NR2F1-AS1: variants seen among roughly 807,000 people sequenced by gnomAD.
NR2F1-AS1 encodes NR2F1 regulatory antisense RNA 1, also known as NR2F1 antisense RNA 1.
At chr5:93,422,748 C>G (rs1749114340) in intron 4 of NR2F1-AS1, among the ~76,000 whole-genome samples, 1 of 152,204 alleles carries the variant, frequency 6.6e-6, no homozygotes, top group African/African-American at 2.4e-5. Context: ...ACATTTACAA[C>G]TGTAAATAAC....
At chr5:93,443,848 T>A (rs911101593) in intron 4 of NR2F1-AS1, among the ~76,000 whole-genome samples, 2 of 152,150 alleles carry the variant, frequency 1.3e-5, no homozygotes, top group Non-Finnish European at 2.9e-5. Context: ...TAACAGCAGA[T>A]CTCTTGGCAG....
intron 4 of NR2F1-AS1, among the ~76,000 whole-genome samples, chr5:93,462,943 T>G (rs1750130592): frequency 6.6e-6 from 1 of 152,242 alleles, no homozygotes; most frequent in South Asian, 2.1e-4. Context: ...TTCAGAAAAT[T>G]TGCAACCTGA....
chr5:93,497,149 T>G (rs1750978627), intron 4 of NR2F1-AS1, among the ~76,000 whole-genome samples: 1 of 152,194 alleles, frequency 6.6e-6, no homozygotes, highest in Admixed American at 6.5e-5. Flanking sequence ...AACTTTATCT[T>G]GTCATTCCCA....
Position 93,477,321 on chromosome 5 carries a change from C to T in NR2F1-AS1, n.638+76440G>A, listed in dbSNP as rs532060585. ...CACAACATTAACATCACATGGAGAACAATGAAAAAGATTAAAACTATTTGT... is the reference window on the plus strand; with the variant it reads ...CACAACATTAACATCACATGGAGAATAATGAAAAAGATTAAAACTATTTGT... On this transcript the variant is annotated intron_variant and non_coding_transcript_variant, in intron 4 of 5. Coordinates refer to ENST00000660523, the Ensembl canonical transcript of NR2F1-AS1. Among the ~76,000 whole-genome samples, 9 of 152,038 alleles carry T rather than the reference C, an allele frequency of 5.9e-5. 1 individual carries two copies. Among genetic ancestry groups the T allele is most frequent in the Admixed American group, 5.2e-4 (8 of 15,272 alleles).
chr5:93,457,952 C>T (rs148218964), intron 4 of NR2F1-AS1, among the ~76,000 whole-genome samples: 12 of 152,250 alleles, frequency 7.9e-5, no homozygotes, highest in Non-Finnish European at 1.8e-4. Context: ...CTTCAAATAT[C>T]GCAAGGCTGA....
At chr5:93,481,942 C>T (rs114205734) in intron 4 of NR2F1-AS1, among the ~76,000 whole-genome samples, 34 of 152,004 alleles carry the variant, frequency 2.2e-4, no homozygotes, top group Middle Eastern at 6.8e-3. Flanking sequence ...GCTGTAAACA[C>T]CTATATTTTT....
intron 4 of NR2F1-AS1, chr5:93,542,360 T>C (rs1195585746): frequency 3.9e-5 from 6 of 152,118 alleles, no homozygotes; most frequent in African/African-American, 9.7e-5. Flanking sequence ...CTTGGCATTA[T>C]TGATATTTGG....
intron 4 of NR2F1-AS1, among the ~76,000 whole-genome samples, chr5:93,464,891 T>C (rs1267036187): frequency 1.3e-5 from 2 of 152,236 alleles, no homozygotes; most frequent in African/African-American, 4.8e-5. Context: ...TATTCCATCA[T>C]GGTTCTGCAG....
rs144887849 is a variant in NR2F1-AS1 at position 93,460,796 on chromosome 5, C to A, written n.639-65254G>T. On this transcript the variant is annotated intron_variant and non_coding_transcript_variant, in intron 4 of 5. Transcript: ENST00000660523. Reference sequence around the variant, plus strand: ...AACCACAGTGAGGTACCATCTCACACCAGTCAGAATGACTATTATTAAAAA... The same window carrying A: ...AACCACAGTGAGGTACCATCTCACAACAGTCAGAATGACTATTATTAAAAA... Among the ~76,000 whole-genome samples the A allele has an allele frequency of 5.9e-5, 9 of 152,282 alleles. No individual in the cohort carries two copies. The East Asian group carries it at 1.7e-3, about 29-fold the overall frequency.
intron 4 of NR2F1-AS1, among the ~76,000 whole-genome samples, chr5:93,508,273 C>T (rs1446342829): frequency 1.3e-5 from 2 of 151,996 alleles, no homozygotes; most frequent in Non-Finnish European, 2.9e-5. Flanking sequence ...ACAAATCAAC[C>T]ACACAGAATA....
chr5:93,535,074 T>C (rs1348230107), intron 4 of NR2F1-AS1, among the ~76,000 whole-genome samples: 4 of 152,022 alleles, frequency 2.6e-5, no homozygotes, highest in Non-Finnish European at 5.9e-5. Context: ...AGAAAGTATG[T>C]TAAGGAAAGT....
intron 4 of NR2F1-AS1, among the ~76,000 whole-genome samples, chr5:93,441,788 C>T (rs183867672): frequency 5.3e-4 from 81 of 152,264 alleles, no homozygotes; most frequent in Non-Finnish European, 7.1e-4. Context: ...ATCCAATGTG[C>T]CTGTAACATT....
At chr5:93,464,102 G>C (rs915376985) in intron 4 of NR2F1-AS1, among the ~76,000 whole-genome samples, 1 of 152,134 alleles carries the variant, frequency 6.6e-6, no homozygotes, top group South Asian at 2.1e-4. Flanking sequence ...ATCTTGAATT[G>C]TAACTCCCAC....
intron 4 of NR2F1-AS1, among the ~76,000 whole-genome samples, chr5:93,547,540 C>T (rs1426141070): frequency 6.6e-6 from 1 of 152,126 alleles, no homozygotes; most frequent in African/African-American, 2.4e-5. Context: ...ATAATATCAA[C>T]AGCAAGGAGG....
intron 1 of NR2F1-AS1, among the ~76,000 whole-genome samples, chr5:93,573,311 G>T (rs1345836500): frequency 1.3e-5 from 2 of 152,188 alleles, no homozygotes; most frequent in African/African-American, 4.8e-5. Context: ...GTTGGTAAAG[G>T]CGAGGTGCTG....
intron 4 of NR2F1-AS1, among the ~76,000 whole-genome samples, chr5:93,492,756 C>A (rs80345284): frequency 6.6e-6 from 1 of 151,702 alleles, no homozygotes; most frequent in Non-Finnish European, 1.5e-5. Flanking sequence ...TAATATAATG[C>A]ACCACATTAA....
At chr5:93,530,075 CTTT>C (rs1227046832) in intron 4 of NR2F1-AS1, among the ~76,000 whole-genome samples, 1 of 97,910 alleles carries the variant, frequency 1.0e-5, no homozygotes, top group Non-Finnish European at 2.0e-5. Flanking sequence ...AATTTGAAGG[CTTT>C]TTTTTTTTTT....
chr5:93,582,788 G>A (rs73772909), upstream of NR2F1-AS1, among the ~76,000 whole-genome samples: 10 of 68,582 alleles, frequency 1.5e-4, no homozygotes, highest in Admixed American at 4.8e-4. Flanking sequence ...GTGTGTGTAT[G>A]TGTGTGTGTG....
At chr5:93,561,403 A>G (rs1223701332) in intron 2 of NR2F1-AS1, among the ~76,000 whole-genome samples, 1 of 152,222 alleles carries the variant, frequency 6.6e-6, no homozygotes, top group East Asian at 1.9e-4. Context: ...CAATGCTATA[A>G]TAAGTTCAAC....
Sources: allele counts gnomAD v4.1 joint callset (sites outside exome capture counted in the v4.1 genomes callset), GRCh38; gene constraint gnomAD v4.1.1; transcripts MANE v1.5; gene names NCBI Gene and HGNC (gene_info 2026-07-23, HGNC 2026-07-21).